The following PPP1CB variants were observed in gnomAD, a reference collection of about 807,000 sequenced individuals.
The protein encoded by PPP1CB is serine/threonine-protein phosphatase PP1-beta catalytic subunit.
PPP1CB carries 2 observed loss-of-function variants against 43.7 expected under a neutral mutation model. The observed-to-expected ratio is 0.05, with a 90% CI of 0.02 to 0.14. PPP1CB has a LOEUF of 0.14. Ranked by LOEUF, PPP1CB falls within the 10% of genes least tolerant of loss-of-function variation. The pLI, the probability that PPP1CB is intolerant of heterozygous loss-of-function variation, is 1.00. For missense variants in PPP1CB, 84 were observed against 398.0 expected (o/e 0.21, Z 6.71); for synonymous variants, 136 against 135.6 (o/e 1.00, Z -0.02).
In PPP1CB at chr2:28,751,935, C is replaced by T. The variant is rs1326838480; in HGVS notation, c.-190C>T. 1 of 645,380 alleles carries T rather than the reference C, an allele frequency of 1.5e-6. No individual in the cohort carries two copies. Among genetic ancestry groups the T allele is most frequent in the East Asian group, 2.8e-5 (1 of 35,630 alleles). 40.0% of individuals were successfully genotyped at this position (645,380 alleles called of 1,614,324 possible). ...ATTTATTTATTTTCCGTGGGTGCCT[C>T]CGAGTGTGCGCGCGCTCTCGCTACC... On this transcript the variant is annotated 5_prime_UTR_variant, in exon 1 of 8. Coordinates refer to ENST00000395366, the MANE Select transcript of PPP1CB (RefSeq NM_002709.3).
intron 1 of PPP1CB, among the ~76,000 whole-genome samples, chr2:28,753,343 G>A (rs1306736326): frequency 2.0e-5 from 3 of 152,184 alleles, no homozygotes; most frequent in Middle Eastern, 6.3e-3. Flanking sequence ...TAATGGGGGA[G>A]GGGTAATTCC....
chr2:28,782,209 A>C (rs569718881), intron 4 of PPP1CB, among the ~76,000 whole-genome samples: 1 of 152,272 alleles, frequency 6.6e-6, no homozygotes, highest in Non-Finnish European at 1.5e-5. Flanking sequence ...TTTCATATTC[A>C]CATATATCAA....
intron 1 of PPP1CB, among the ~76,000 whole-genome samples, chr2:28,752,953 T>G (rs1666364193): frequency 6.6e-6 from 1 of 152,220 alleles, no homozygotes; most frequent in African/African-American, 2.4e-5. Flanking sequence ...ATTCGAAAGG[T>G]ATTTGTAGGT....
intron 3 of PPP1CB, among the ~76,000 whole-genome samples, chr2:28,779,309 G>C (rs2148050221): frequency 6.6e-6 from 1 of 152,316 alleles, no homozygotes; most frequent in Non-Finnish European, 1.5e-5. Flanking sequence ...AGGTGAAACA[G>C]AAGTCACTGT....
At chr2:28,798,093 C>A (rs1253349901) in intron 7 of PPP1CB, among the ~76,000 whole-genome samples, 1 of 152,120 alleles carries the variant, frequency 6.6e-6, no homozygotes, top group African/African-American at 2.4e-5. Context: ...TTAATATATT[C>A]TCTTCACTAA....
intron 5 of PPP1CB, among the ~76,000 whole-genome samples, chr2:28,785,039 T>A (rs1194212914): frequency 2.7e-5 from 4 of 147,492 alleles, no homozygotes; most frequent in African/African-American, 9.9e-5. Context: ...TAATACACTG[T>A]ATGTTGTAAT....
intron 1 of PPP1CB, among the ~76,000 whole-genome samples, chr2:28,757,167 T>C (rs1358376342): frequency 2.0e-5 from 3 of 152,222 alleles, no homozygotes; most frequent in African/African-American, 7.2e-5. Flanking sequence ...CTGGTTTCTT[T>C]TAATGTTTTT....
At chr2:28,779,069 A>G (rs1183555658) in intron 3 of PPP1CB, 30 bp downstream of exon 3, 1 of 1,461,794 alleles carries the variant, frequency 6.8e-7, no homozygotes, top group Middle Eastern at 1.8e-4. Flanking sequence ...TAGAAAAGTA[A>G]TTCATGGAAA....
At chr2:28,756,548 A>T (rs1016492968) in intron 1 of PPP1CB, among the ~76,000 whole-genome samples, 4 of 152,204 alleles carry the variant, frequency 2.6e-5, no homozygotes, top group Non-Finnish European at 5.9e-5. Flanking sequence ...CAGTGGCTTG[A>T]TCATGGCTCA....
At chr2:28,754,093 T>C (rs1666419805) in intron 1 of PPP1CB, among the ~76,000 whole-genome samples, 3 of 152,206 alleles carry the variant, frequency 2.0e-5, no homozygotes, top group African/African-American at 4.8e-5. Context: ...AATATGTTTG[T>C]ATCTCAATTT....
At chr2:28,755,291 C>T (rs1026339993) in intron 1 of PPP1CB, among the ~76,000 whole-genome samples, 42 of 152,148 alleles carry the variant, frequency 2.8e-4, no homozygotes, top group Non-Finnish European at 1.6e-4. Context: ...CCACCCGCCT[C>T]GGCCTCCCAA....
At chr2:28,794,044 CTA>C (rs1667444685) in intron 7 of PPP1CB, 47 bp downstream of exon 7, 1 of 1,470,766 alleles carries the variant, frequency 6.8e-7, no homozygotes, top group Admixed American at 2.0e-5. Flanking sequence ...CTAATAAAAA[CTA>C]TTATCAGAAT....
At chr2:28,764,624 G>T (rs1666741332) in intron 1 of PPP1CB, among the ~76,000 whole-genome samples, 1 of 152,064 alleles carries the variant, frequency 6.6e-6, no homozygotes, top group South Asian at 2.1e-4. Flanking sequence ...ATGTAATCTT[G>T]GGGGTGGGGG....
At chr2:28,789,189 T>C (rs1470727635) in intron 6 of PPP1CB, among the ~76,000 whole-genome samples, 1 of 152,076 alleles carries the variant, frequency 6.6e-6, no homozygotes. Flanking sequence ...TAACCTTTTA[T>C]CACCCTAAAA....
intron 3 of PPP1CB, among the ~76,000 whole-genome samples, chr2:28,781,213 GTTTAT>G (rs1667152547): frequency 1.3e-5 from 2 of 151,970 alleles, no homozygotes; most frequent in African/African-American, 4.8e-5. Context: ...ATTTGATTAG[GTTTAT>G]TTTATTTGTC....
chr2:28,794,783 TC>T (rs571015752), intron 7 of PPP1CB, among the ~76,000 whole-genome samples: 34 of 152,290 alleles, frequency 2.2e-4, no homozygotes, highest in African/African-American at 8.2e-4. Context: ...TTTATTTTTT[TC>T]TTTTGAGGAA....
chr2:28,775,581 T>C (rs1214665226), intron 1 of PPP1CB, among the ~76,000 whole-genome samples: 2 of 152,142 alleles, frequency 1.3e-5, no homozygotes, highest in African/African-American at 2.4e-5. Flanking sequence ...CTTGCTTTGC[T>C]GCCCAGGCTG....
rs147602725 is a variant in PPP1CB, at chr2:28,773,398, CTT to C, written c.53-3452_53-3451del. Among the ~76,000 whole-genome samples, 966 of 152,272 alleles carry C rather than the reference CTT, an allele frequency of 6.3e-3. 4 individuals carry two copies. Among genetic ancestry groups the C allele is most frequent in the Non-Finnish European group, 0.011 (727 of 68,036 alleles). On this transcript the variant is annotated intron_variant, in intron 1 of 7. Transcript: ENST00000395366. ...TCTGCTGCTTCTCACTCCTATCAGT[CTT>C]ATAAAACCTGGGCACTGTGATCTTA... is the stretch of plus-strand genomic sequence containing the variant.
chr2:28,774,808 A>G (rs1666998066), intron 1 of PPP1CB, among the ~76,000 whole-genome samples: 1 of 152,192 alleles, frequency 6.6e-6, no homozygotes, highest in Non-Finnish European at 1.5e-5. Context: ...AAACCCAAAT[A>G]TGCATCAGAA....
Sources: allele counts gnomAD v4.1 joint callset (sites outside exome capture counted in the v4.1 genomes callset), GRCh38; gene constraint gnomAD v4.1.1; transcripts MANE v1.5; gene names NCBI Gene and HGNC (gene_info 2026-07-23, HGNC 2026-07-21).